EFNA5: variants seen among roughly 807,000 people sequenced by gnomAD.
The protein encoded by EFNA5 is ephrin-A5.
A neutral mutation model predicts 22.9 loss-of-function variants in EFNA5; 5 were observed. The ratio of observed to expected loss-of-function variants is 0.22; its 90% CI spans 0.11 to 0.46. The LOEUF (loss-of-function observed/expected upper bound fraction) is 0.46. Among genes scored for constraint, EFNA5 ranks in the 20% least tolerant of loss-of-function variants. The pLI is 0.99. For synonymous variants in EFNA5, 113 were observed against 112.2 expected, an observed-to-expected ratio of 1.01 and a Z score of -0.04; for missense variants, 237 against 293.3, an observed-to-expected ratio of 0.81 and a Z score of 1.40.
chr5:107,551,593 G>A lies in EFNA5; in HGVS notation c.125+118896C>T, dbSNP rs879904233. ...GACCCACGTGCCTGGAGTCCAGATT[G>A]AGGGATCCATACAAGAATTTTTTCT... On this transcript the variant is annotated intron_variant, in intron 1 of 4. Transcript: ENST00000333274. 4.3e-4 allele frequency among the ~76,000 whole-genome samples: 66 copies of A among 152,000 alleles called. 1 individual carries two copies. The highest frequency in any genetic ancestry group is 7.2e-4 in the Non-Finnish European group (49 of 68,010).
At chr5:107,597,105 A>G (rs1425882346) in intron 1 of EFNA5, among the ~76,000 whole-genome samples, 1 of 152,152 alleles carries the variant, frequency 6.6e-6, no homozygotes, top group African/African-American at 2.4e-5. Context: ...GCACATAAAA[A>G]CTGTTTTAAG....
chr5:107,500,741 G>A (rs1051371610), intron 1 of EFNA5, among the ~76,000 whole-genome samples: 9 of 152,012 alleles, frequency 5.9e-5, no homozygotes, highest in Non-Finnish European at 7.3e-5. Context: ...AATTCTGCAG[G>A]CATCTGAGCA....
intron 1 of EFNA5, among the ~76,000 whole-genome samples, 157 bp downstream of exon 1, chr5:107,670,332 C>T (rs1035810901): frequency 1.3e-4 from 20 of 152,270 alleles, no homozygotes; most frequent in African/African-American, 4.8e-4. Context: ...GCGACGCGAG[C>T]GCTTCCCGCC....
At chr5:107,571,064 A>G (rs11951912) in intron 1 of EFNA5, among the ~76,000 whole-genome samples, 1 of 152,162 alleles carries the variant, frequency 6.6e-6, no homozygotes, top group African/African-American at 2.4e-5. Context: ...GAAGTAGCAC[A>G]TCAGTATTTT....
chr5:107,627,277 A>C (rs923444244), intron 1 of EFNA5, among the ~76,000 whole-genome samples: 23 of 152,178 alleles, frequency 1.5e-4, no homozygotes, highest in African/African-American at 5.1e-4. Flanking sequence ...ACATAGATAT[A>C]ATAAATGTTA....
At chr5:107,609,720 G>C (rs1403248253) in intron 1 of EFNA5, among the ~76,000 whole-genome samples, 2 of 152,014 alleles carry the variant, frequency 1.3e-5, no homozygotes, top group Admixed American at 6.6e-5. Flanking sequence ...CACCATACTA[G>C]CCATGCTTCC....
intron 1 of EFNA5, among the ~76,000 whole-genome samples, chr5:107,435,510 C>T (rs1251797296): frequency 6.6e-6 from 1 of 152,024 alleles, no homozygotes; most frequent in African/African-American, 2.4e-5. Context: ...TAATCAACCT[C>T]AATGTTCAGC....
At chr5:107,481,312 T>C (rs1202325254) in intron 1 of EFNA5, among the ~76,000 whole-genome samples, 1 of 152,208 alleles carries the variant, frequency 6.6e-6, no homozygotes, top group Non-Finnish European at 1.5e-5. Flanking sequence ...TTAACCGATT[T>C]GACATTTCTG....
chr5:107,571,751 G>T (rs1398338640), intron 1 of EFNA5, among the ~76,000 whole-genome samples: 1 of 152,060 alleles, frequency 6.6e-6, no homozygotes, highest in Non-Finnish European at 1.5e-5. Flanking sequence ...TCACCCTGAC[G>T]AGAGAAAACA....
intron 1 of EFNA5, among the ~76,000 whole-genome samples, chr5:107,518,316 G>A (rs1443397313): frequency 1.3e-5 from 2 of 151,926 alleles, no homozygotes; most frequent in African/African-American, 2.4e-5. Context: ...GCAGACATCG[G>A]TCCCTTGTTT....
intron 1 of EFNA5, among the ~76,000 whole-genome samples, chr5:107,660,281 T>TATATATATATATAA (rs1750921213): frequency 1.8e-5 from 1 of 55,622 alleles, no homozygotes; most frequent in African/African-American, 6.3e-5. Flanking sequence ...TATATATATA[T>TATATATATATATAA]ATATATATAT....
At chr5:107,468,112 A>T (rs1377251013) in intron 1 of EFNA5, among the ~76,000 whole-genome samples, 1 of 152,222 alleles carries the variant, frequency 6.6e-6, no homozygotes, top group Non-Finnish European at 1.5e-5. Flanking sequence ...TTAAAAGCAG[A>T]GTTATGCAAA....
At chr5:107,667,485 CA>C (rs766255055) in intron 1 of EFNA5, among the ~76,000 whole-genome samples, 49 of 152,218 alleles carry the variant, frequency 3.2e-4, no homozygotes, top group Non-Finnish European at 6.2e-4. Flanking sequence ...CTACCAGATA[CA>C]CAAGTGACAC....
At chr5:107,536,489 T>TAC (rs1337410509) in intron 1 of EFNA5, among the ~76,000 whole-genome samples, 1 of 152,230 alleles carries the variant, frequency 6.6e-6, no homozygotes, top group Non-Finnish European at 1.5e-5. Context: ...GTCACATACA[T>TAC]TGTTATTAGA....
chr5:107,378,169 T>C lies in EFNA5; in HGVS notation c.*3086A>G, dbSNP rs557984722. ...TATGTACAACAGAGGTTGCTAATAATACAGAATTTAAAGAACGCAGTTTTT... is the reference window on the plus strand; with the variant it reads ...TATGTACAACAGAGGTTGCTAATAACACAGAATTTAAAGAACGCAGTTTTT... On this transcript the variant is annotated 3_prime_UTR_variant, in exon 5 of 5. Transcript: ENST00000333274. 1 of 151,506 alleles carries C rather than the reference T, an allele frequency of 6.6e-6. No homozygotes were observed. The highest frequency in any genetic ancestry group is 6.6e-5 in the Admixed American group (1 of 15,198). 9.4% of individuals were successfully genotyped at this position (151,506 alleles called of 1,614,324 possible).
At chr5:107,405,171 A>G (rs1230660484) in intron 2 of EFNA5, among the ~76,000 whole-genome samples, 1 of 152,210 alleles carries the variant, frequency 6.6e-6, no homozygotes, top group South Asian at 2.1e-4. Context: ...TGGCCTTGCC[A>G]TCTCTGACCT....
At chr5:107,633,340 C>T (rs1424992290) in intron 1 of EFNA5, among the ~76,000 whole-genome samples, 1 of 152,204 alleles carries the variant, frequency 6.6e-6, no homozygotes, top group Non-Finnish European at 1.5e-5. Context: ...GTGCTCTTTC[C>T]ACCTTTCCTG....
chr5:107,430,474 A>C (rs1209936365), intron 1 of EFNA5, among the ~76,000 whole-genome samples: 1 of 152,138 alleles, frequency 6.6e-6, no homozygotes, highest in Non-Finnish European at 1.5e-5. Flanking sequence ...TAAAAATTAA[A>C]ACTGCCATTG....
intron 1 of EFNA5, among the ~76,000 whole-genome samples, chr5:107,600,156 T>C (rs184388758): frequency 6.6e-6 from 1 of 152,262 alleles, no homozygotes; most frequent in East Asian, 1.9e-4. Flanking sequence ...AGGAAGTGAA[T>C]TTGAGCTAAG....
Sources: gnomAD v4.1 joint callset for allele counts (sites outside exome capture counted in the v4.1 genomes callset) on GRCh38, gnomAD v4.1.1 for gene constraint, MANE v1.5 for transcripts, NCBI Gene and HGNC (gene_info 2026-07-23, HGNC 2026-07-21) for gene names.